The following PLCG2 variants were observed in gnomAD, a reference collection of about 807,000 sequenced individuals.
The protein encoded by PLCG2 is phospholipase C gamma 2, also known as 1-phosphatidylinositol 4,5-bisphosphate phosphodiesterase gamma-2.
Under a neutral mutation model 175.6 loss-of-function variants are expected in PLCG2, and 69 were observed. The ratio of observed to expected loss-of-function variants is 0.39; its 90% confidence interval spans 0.32 to 0.48. The LOEUF is 0.48. PLCG2 is among the 20% of genes least tolerant of loss of function. The pLI is 0.91. For synonymous variants in PLCG2, 827 were observed against 624.0 expected (o/e 1.33, Z -4.85); for missense variants, 1,798 against 1,650.9 (o/e 1.09, Z -1.54).
Position 81,908,304 on chromosome 16 carries a change from G to T in PLCG2, c.1558-112G>T, listed in dbSNP as rs531077840. On this transcript the variant is annotated intron_variant, in intron 16 of 32. Coordinates refer to ENST00000564138, the MANE Select transcript of PLCG2 (RefSeq NM_002661.5). ...TTCGGGTGGGGACCAGCTGAGGCTG[G>T]CCTCTCTATGTTATCTGGTACCCTG... 1.6e-4 allele frequency: 155 copies of T among 955,942 alleles called. No homozygotes were observed. The South Asian group carries it at 2.1e-3, about 13-fold the overall frequency. The allele number at this position is 955,942 out of a possible 1,614,324, so 59.2% of individuals were successfully genotyped here. A position where few individuals can be genotyped will look rare whatever the true frequency, so the allele number is the denominator to read the frequency against.
chr16:81,785,983 G>A lies in PLCG2; in HGVS notation c.-7G>A. On this transcript the variant is annotated 5_prime_UTR_variant, in exon 2 of 33. Coordinates refer to ENST00000564138, the MANE Select transcript of PLCG2 (RefSeq NM_002661.5). ...CGATTCCTTCCTTCTCCCTGGAGCG[G>A]CCGACAATGTCCACCACGGTCAATG... 1 of 1,610,900 alleles carries A rather than the reference G, an allele frequency of 6.2e-7. No homozygotes were observed. Among genetic ancestry groups the A allele is most frequent in the Non-Finnish European group, 8.5e-7 (1 of 1,177,730 alleles).
chr16:81,937,723 C>T (rs1180424178), intron 27 of PLCG2, 35 bp from the exon 28 acceptor site: 3 of 1,604,248 alleles, frequency 1.9e-6, no homozygotes, highest in South Asian at 2.2e-5. Flanking sequence ...CGTGCTCATG[C>T]CTGACTTACA....
At chr16:81,884,208 AG>A (rs1388998857) in intron 9 of PLCG2, among the ~76,000 whole-genome samples, 1 of 152,106 alleles carries the variant, frequency 6.6e-6, no homozygotes, top group Non-Finnish European at 1.5e-5. Flanking sequence ...AAAATTAGGC[AG>A]GCATTGTGGT....
At chr16:81,942,214 C>A (rs911160447) in intron 30 of PLCG2, among the ~76,000 whole-genome samples, 1 of 152,196 alleles carries the variant, frequency 6.6e-6, no homozygotes, top group Admixed American at 6.5e-5. Flanking sequence ...CCTCATAACC[C>A]CTCCCAGTGC....
At chr16:81,874,948 GTTTTTTTTTTTTTT>G (rs770994063) in intron 7 of PLCG2, among the ~76,000 whole-genome samples, 17 of 40,770 alleles carry the variant, frequency 4.2e-4, no homozygotes, top group Non-Finnish European at 7.1e-4. Flanking sequence ...TATCCTATGT[GTTTTTTTTTTTTTT>G]TTTTTTTTTT....
chr16:81,867,899 C>T (rs1168502247), intron 5 of PLCG2, among the ~76,000 whole-genome samples: 1 of 152,150 alleles, frequency 6.6e-6, no homozygotes, highest in Non-Finnish European at 1.5e-5. Context: ...CGGGGTTTCA[C>T]CGTGTTAGCC....
At chr16:81,814,383 C>G (rs907679040) in intron 2 of PLCG2, among the ~76,000 whole-genome samples, 1 of 151,850 alleles carries the variant, frequency 6.6e-6, no homozygotes, top group Non-Finnish European at 1.5e-5. Context: ...GGGGTGTAGC[C>G]GGGATTGGAT....
At chr16:81,923,632 G>T in intron 22 of PLCG2, 38 bp downstream of exon 22, 1 of 1,255,040 alleles carries the variant, frequency 8.0e-7, no homozygotes. Context: ...CGGCAGGTGG[G>T]CTTGACTTGT....
chr16:81,750,932 C>G (rs1354160890), intron 1 of PLCG2, among the ~76,000 whole-genome samples: 1 of 149,578 alleles, frequency 6.7e-6, no homozygotes, highest in East Asian at 2.0e-4. Flanking sequence ...CTCAGCCTCC[C>G]AAAGTGCTGG....
chr16:81,935,829 T>C, intron 26 of PLCG2: 1 of 985,346 alleles, frequency 1.0e-6, no homozygotes, highest in Non-Finnish European at 1.2e-6. Flanking sequence ...CAAGATCTTC[T>C]CCTACCCAAA....
At chr16:81,904,351 A>G (rs1567525332) in intron 14 of PLCG2, among the ~76,000 whole-genome samples, 1 of 152,288 alleles carries the variant, frequency 6.6e-6, no homozygotes, top group East Asian at 1.9e-4. Context: ...TCAAATCTGG[A>G]TCTGACCCCC....
chr16:81,772,809 C>CAA (rs71146045), intron 2 of PLCG2, among the ~76,000 whole-genome samples: 21 of 151,586 alleles, frequency 1.4e-4, no homozygotes, highest in East Asian at 1.9e-4. Flanking sequence ...ACTCCATCTC[C>CAA]AAAAAAAAGA....
At chr16:81,891,434 C>T in intron 10 of PLCG2, 38 bp from the exon 11 acceptor site, 4 of 1,128,350 alleles carry the variant, frequency 3.5e-6, no homozygotes, top group South Asian at 1.2e-5. Flanking sequence ...TCCTGCCCGT[C>T]AACGTGATGA....
intron 25 of PLCG2, among the ~76,000 whole-genome samples, chr16:81,933,291 C>T (rs921060963): frequency 6.6e-6 from 1 of 152,220 alleles, no homozygotes; most frequent in Non-Finnish European, 1.5e-5. Flanking sequence ...ACAGCTACCC[C>T]TTTTGCGGAG....
At chr16:81,788,299 TAGAC>T (rs911013113) in intron 2 of PLCG2, among the ~76,000 whole-genome samples, 3 of 152,146 alleles carry the variant, frequency 2.0e-5, no homozygotes, top group Non-Finnish European at 2.9e-5. Context: ...TATATTTTAA[TAGAC>T]AGAGTCTCGC....
intron 13 of PLCG2, among the ~76,000 whole-genome samples, chr16:81,896,279 G>A (rs1248236866): frequency 1.3e-5 from 2 of 151,922 alleles, no homozygotes; most frequent in African/African-American, 4.8e-5. Flanking sequence ...CTGTAATCCC[G>A]GCACTTTGGG....
intron 13 of PLCG2, among the ~76,000 whole-genome samples, chr16:81,896,577 C>G (rs9931756): frequency 0.016 from 2,399 of 151,200 alleles, 70 homozygotes; most frequent in African/African-American, 0.056. Context: ...GACCCTGTCT[C>G]AAAGGAAAAA....
intron 9 of PLCG2, among the ~76,000 whole-genome samples, chr16:81,888,204 C>T (rs4414487): frequency 0.14 from 21,725 of 152,112 alleles, 1,912 homozygotes; most frequent in Non-Finnish European, 0.2. Context: ...CAAGCTGCCA[C>T]GGTCAGAGTA....
intron 4 of PLCG2, 42 bp from the exon 5 acceptor site, chr16:81,859,074 T>G (rs1228513844): frequency 7.8e-7 from 1 of 1,279,988 alleles, no homozygotes; most frequent in South Asian, 1.2e-5. Flanking sequence ...TATTTTCTAA[T>G]TTTCTCTTTC....
Sources: allele counts gnomAD v4.1 joint callset (sites outside exome capture counted in the v4.1 genomes callset), GRCh38; gene constraint gnomAD v4.1.1; transcripts MANE v1.5; gene names NCBI Gene and HGNC (gene_info 2026-07-23, HGNC 2026-07-21).